BMP2K: variants seen among roughly 807,000 people sequenced by gnomAD.
BMP2K encodes BMP2 inducible kinase.
In BMP2K, 74 loss-of-function variants were observed where a neutral mutation model predicts 116.0. That is an observed-to-expected ratio of 0.64 (90% CI 0.53 to 0.77). BMP2K has a LOEUF of 0.77. BMP2K is among the 30% of genes least tolerant of loss of function. The pLI is 0.00. For synonymous variants in BMP2K, 486 were observed against 502.5 expected, an observed-to-expected ratio of 0.97 and a Z score of 0.44; for missense variants, 1,365 against 1,403.6, an observed-to-expected ratio of 0.97 and a Z score of 0.44.
chr4:78,872,523 T>C (rs1323758634), intron 12 of BMP2K, 91 bp from the exon 13 acceptor site: 2 of 1,161,120 alleles, frequency 1.7e-6, no homozygotes, highest in Non-Finnish European at 2.3e-6. Context: ...TTGTCACCAA[T>C]GTGAAAGGAA....
chr4:78,879,472 T>C, intron 14 of BMP2K: 1 of 953,636 alleles, frequency 1.0e-6, no homozygotes, highest in South Asian at 4.8e-5. Flanking sequence ...AATCATTGCT[T>C]TTCTTTGAAC....
intron 1 of BMP2K, among the ~76,000 whole-genome samples, chr4:78,795,329 G>A (rs1484639827): frequency 1.3e-5 from 2 of 152,256 alleles, no homozygotes; most frequent in East Asian, 3.9e-4. Context: ...TCTAACTGTT[G>A]TGAGATAATT....
chr4:78,910,756 A>G lies in BMP2K; in HGVS notation c.2209A>G (p.Asn737Asp). ...AGTACAGGGTCAAGTGCAAAAGGGG[A>G]ATGATGAATCTGAAAGTGATTTTGA... ...TSVQGQVQKG[N>D]DESESDFESD... The change falls in exon 16 of 16, where the codon AAT (asparagine) becomes GAT (aspartate). Residue 737 changes from asparagine to aspartate, a missense_variant. This residue lies in a region of BMP2K where 596 missense variants were observed against 623.2 expected (regional missense o/e 0.96). Transcript: ENST00000502613. The G allele has an allele frequency of 1.2e-6, 2 of 1,613,888 alleles. No homozygotes were observed. Among genetic ancestry groups the G allele is most frequent in the Non-Finnish European group, 1.7e-6 (2 of 1,179,832 alleles).
chr4:78,802,846 T>C (rs1728634195), intron 1 of BMP2K, among the ~76,000 whole-genome samples: 1 of 152,126 alleles, frequency 6.6e-6, no homozygotes, highest in African/African-American at 2.4e-5. Context: ...CTTTTTTTTT[T>C]TGTTCTCTTT....
In BMP2K at chr4:78,847,037, T is replaced by C. The variant is rs1731036209; in HGVS notation, c.669-151T>C. The stretch of plus-strand genomic sequence containing the variant: ...TATTGTTTAATCCTTGACGGGTTTT[T>C]AATGAGTTTTTAAAAATAGTATTAC... On this transcript the variant is annotated intron_variant, in intron 5 of 15. Coordinates refer to ENST00000502613, the MANE Select transcript of BMP2K (RefSeq NM_198892.2). The C allele has an allele frequency of 3.0e-5, 10 of 333,526 alleles. No individual in the cohort carries two copies. In the East Asian group the frequency reaches 5.1e-4, roughly 17 times the overall value. The allele number at this position is 333,526 out of a possible 1,614,324, so 20.7% of individuals were successfully genotyped here. A position where few individuals can be genotyped will look rare whatever the true frequency, so the allele number is the denominator to read the frequency against.
In BMP2K at chr4:78,872,720, C is replaced by T. The variant is rs1458801307; in HGVS notation, c.1715C>T (p.Ser572Leu). ...PEYLTSPQEFSPALVSYTSSL... is the reference protein window; with the variant it reads ...PEYLTSPQEFLPALVSYTSSL... ...TATCTTACCTCCCCTCAAGAGTTCTCACCAGCCTTAGTTTCCTACACTTCA... is the reference window on the plus strand; with the variant it reads ...TATCTTACCTCCCCTCAAGAGTTCTTACCAGCCTTAGTTTCCTACACTTCA... The change falls in exon 13 of 16, where the codon TCA becomes TTA. Residue 572 changes from serine to leucine, a missense_variant. Physicochemically the swap from Ser to Leu is moderately radical, Grantham distance 145. Transcript: ENST00000502613. 4 of 1,614,168 alleles carry T rather than the reference C, an allele frequency of 2.5e-6. No individual in the cohort carries two copies. Among genetic ancestry groups the T allele is most frequent in the Non-Finnish European group, 3.4e-6 (4 of 1,180,010 alleles).
Position 78,878,400 on chromosome 4 carries a change from A to G in BMP2K, c.1794-334A>G, listed in dbSNP as rs115945753. Among the ~76,000 whole-genome samples the G allele has an allele frequency of 5.3e-3, 805 of 152,290 alleles. 8 individuals are homozygous for G. The highest frequency in any genetic ancestry group is 0.018 in the African/African-American group (767 of 41,562). ...ATATTGTTCTCTTTGCTTTACGTGT[A>G]TTAAATTATTTAATCTTCTCAGCAA... is the stretch of plus-strand genomic sequence containing the variant. On this transcript the variant is annotated intron_variant, in intron 13 of 15. Coordinates refer to ENST00000502613, the MANE Select transcript of BMP2K (RefSeq NM_198892.2).
At chr4:78,815,042 C>G (rs1033452700) in intron 1 of BMP2K, among the ~76,000 whole-genome samples, 2 of 152,062 alleles carry the variant, frequency 1.3e-5, no homozygotes, top group Admixed American at 6.6e-5. Context: ...GATGAGGACT[C>G]CAATTTTCAG....
At chr4:78,793,099 A>G (rs1359752575) in intron 1 of BMP2K, among the ~76,000 whole-genome samples, 1 of 152,176 alleles carries the variant, frequency 6.6e-6, no homozygotes, top group East Asian at 1.9e-4. Context: ...CTTTTGAAAA[A>G]TATGGCTATT....
intron 7 of BMP2K, among the ~76,000 whole-genome samples, chr4:78,852,614 C>T (rs913228879): frequency 6.6e-6 from 1 of 151,748 alleles, no homozygotes; most frequent in Non-Finnish European, 1.5e-5. Context: ...TTTTCTTTGT[C>T]TTCTTCAAGA....
In BMP2K at chr4:78,914,456, A is replaced by G. The variant is rs748799523; in HGVS notation, c.*2423A>G. ...GATTCCTTTGTGTTGTAGTAGAGGC[A>G]TTTTCCTAAGGAGTATAGATTTATA... On this transcript the variant is annotated 3_prime_UTR_variant, in exon 16 of 16. Transcript: ENST00000502613. The G allele has an allele frequency of 6.6e-6, 1 of 151,904 alleles. No individual in the cohort carries two copies. Among genetic ancestry groups the G allele is most frequent in the Non-Finnish European group, 1.5e-5 (1 of 67,916 alleles). The allele number at this position is 151,904 out of a possible 1,614,324, so 9.4% of individuals were successfully genotyped here. A position where few individuals can be genotyped will look rare whatever the true frequency, so the allele number is the denominator to read the frequency against.
At chr4:78,846,516 C>T (rs1258031273) in intron 5 of BMP2K, among the ~76,000 whole-genome samples, 2 of 151,564 alleles carry the variant, frequency 1.3e-5, no homozygotes, top group Non-Finnish European at 1.5e-5. Context: ...GCATTTGTGA[C>T]ATGAGATTTG....
At chr4:78,794,607 T>G (rs1728164696) in intron 1 of BMP2K, among the ~76,000 whole-genome samples, 1 of 152,184 alleles carries the variant, frequency 6.6e-6, no homozygotes, top group Non-Finnish European at 1.5e-5. Context: ...ATGTCCTTGC[T>G]CTGTCATGGT....
intron 7 of BMP2K, among the ~76,000 whole-genome samples, chr4:78,851,656 G>A (rs1032689386): frequency 6.6e-6 from 1 of 152,012 alleles, no homozygotes; most frequent in Admixed American, 6.6e-5. Flanking sequence ...TTTGAGGTTT[G>A]TATGATGAAG....
intron 2 of BMP2K, among the ~76,000 whole-genome samples, chr4:78,829,799 TCTCTTCTCTTCTCTTCTCTTCTC>T (rs1560518781): frequency 1.5e-3 from 190 of 130,300 alleles, no homozygotes; most frequent in African/African-American, 5.6e-3. Flanking sequence ...TCTCTTCTCT[TCTCTTCTCTTCTCTTCTCTTCTC>T]TTCTCTTCTC....
At chr4:78,873,611 A>C (rs1301057960) in intron 13 of BMP2K, among the ~76,000 whole-genome samples, 1 of 152,034 alleles carries the variant, frequency 6.6e-6, no homozygotes, top group South Asian at 2.1e-4. Context: ...ACTGCATCTC[A>C]AAAGAGAGCT....
chr4:78,792,863 A>T (rs978156393), intron 1 of BMP2K, among the ~76,000 whole-genome samples: 1 of 152,220 alleles, frequency 6.6e-6, no homozygotes, highest in Admixed American at 6.5e-5. Context: ...AGCAAAGAAG[A>T]ATAGGCTATT....
intron 1 of BMP2K, among the ~76,000 whole-genome samples, chr4:78,813,973 A>G (rs1026997975): frequency 9.9e-5 from 15 of 152,204 alleles, no homozygotes; most frequent in African/African-American, 3.1e-4. Flanking sequence ...TTTAATATAT[A>G]TTGTTGAATG....
chr4:78,872,004 C>T (rs957040014), intron 12 of BMP2K, 56 bp downstream of exon 12: 6 of 1,227,338 alleles, frequency 4.9e-6, no homozygotes, highest in Non-Finnish European at 7.0e-6. Context: ...TGTTGGAATT[C>T]ACAGTATGAA....
Sources: gnomAD v4.1 joint callset for allele counts (sites outside exome capture counted in the v4.1 genomes callset) on GRCh38, gnomAD v4.1.1 for gene constraint, gnomAD v4.1.1 regional missense constraint, MANE v1.5 for transcripts, NCBI Gene and HGNC (gene_info 2026-07-23, HGNC 2026-07-21) for gene names.